Variants in TRAPPC9 observed in about 807,000 individuals in gnomAD.
TRAPPC9 encodes IKK2 binding protein.
In TRAPPC9, 83 loss-of-function variants were observed where a neutral mutation model predicts 124.0. The ratio of observed to expected loss-of-function variants is 0.67; its 90% CI spans 0.56 to 0.80. The LOEUF is 0.80. Ranked by LOEUF, TRAPPC9 falls within the 30% of genes least tolerant of loss-of-function variation. TRAPPC9 has a pLI of 0.00. For synonymous variants in TRAPPC9, 638 were observed against 617.5 expected (o/e 1.03, Z -0.49); for missense variants, 1,302 against 1,508.3 (o/e 0.86, Z 2.27).
At chr8:140,193,984 C>T (rs1265331324) in intron 17 of TRAPPC9, among the ~76,000 whole-genome samples, 1 of 152,196 alleles carries the variant, frequency 6.6e-6, no homozygotes, top group Admixed American at 6.5e-5. Flanking sequence ...TCAGAAAACA[C>T]AGGGTCCAGT....
chr8:140,399,654 G>C (rs980289453), intron 6 of TRAPPC9, among the ~76,000 whole-genome samples: 1 of 152,182 alleles, frequency 6.6e-6, no homozygotes, highest in Non-Finnish European at 1.5e-5. Flanking sequence ...TAGGAAATAA[G>C]CAGCTGCTTT....
At chr8:139,826,011 G>T (rs966007934) in intron 21 of TRAPPC9, among the ~76,000 whole-genome samples, 1 of 152,202 alleles carries the variant, frequency 6.6e-6, no homozygotes, top group Non-Finnish European at 1.5e-5. Context: ...TCTCCCAGGT[G>T]GGGGTGAGAG....
intron 16 of TRAPPC9, among the ~76,000 whole-genome samples, chr8:140,230,037 T>C (rs1372080684): frequency 6.6e-6 from 1 of 152,154 alleles, no homozygotes; most frequent in East Asian, 1.9e-4. Context: ...CTCCCAGTCA[T>C]TTCACAGGGA....
intron 17 of TRAPPC9, among the ~76,000 whole-genome samples, chr8:140,204,236 A>G (rs1225438452): frequency 6.6e-6 from 1 of 152,200 alleles, no homozygotes; most frequent in African/African-American, 2.4e-5. Flanking sequence ...ATGTCCATCA[A>G]TGATAGACTG....
At chr8:140,437,838 G>A (rs939215285) in intron 3 of TRAPPC9, among the ~76,000 whole-genome samples, 1 of 152,078 alleles carries the variant, frequency 6.6e-6, no homozygotes, top group African/African-American at 2.4e-5. Flanking sequence ...CCACCTCCAG[G>A]AGGCGCAGTC....
chr8:140,432,243 T>C (rs2070671167), intron 4 of TRAPPC9, among the ~76,000 whole-genome samples: 1 of 152,006 alleles, frequency 6.6e-6, no homozygotes, highest in Non-Finnish European at 1.5e-5. Flanking sequence ...TAAGAAATGA[T>C]CAACAGGGCT....
intron 17 of TRAPPC9, among the ~76,000 whole-genome samples, chr8:140,156,052 C>T (rs1471140760): frequency 6.6e-6 from 1 of 152,156 alleles, no homozygotes; most frequent in Admixed American, 6.5e-5. Flanking sequence ...TGAGGACAGT[C>T]TTCTTGACCT....
At chr8:139,871,921 T>C (rs1385844906) in intron 21 of TRAPPC9, among the ~76,000 whole-genome samples, 1 of 152,136 alleles carries the variant, frequency 6.6e-6, no homozygotes, top group Non-Finnish European at 1.5e-5. Flanking sequence ...AGACAGATGG[T>C]GGTCAGATGA....
At chr8:139,814,435 C>T (rs959782288) in intron 21 of TRAPPC9, among the ~76,000 whole-genome samples, 1 of 152,040 alleles carries the variant, frequency 6.6e-6, no homozygotes, top group Non-Finnish European at 1.5e-5. Context: ...GTAAGAAGTC[C>T]CTCAGGCAAG....
chr8:140,033,664 T>TGTTTTTTGTTTTTG (rs61417850), intron 17 of TRAPPC9, among the ~76,000 whole-genome samples: 1 of 76,268 alleles, frequency 1.3e-5, no homozygotes, highest in Non-Finnish European at 2.2e-5. Context: ...TGTGGTTTTT[T>TGTTTTTTGTTTTTG]TTTTTTTTTT....
chr8:140,189,852 C>T lies in TRAPPC9; in HGVS notation c.2556+31607G>A, dbSNP rs530580141. On this transcript the variant is annotated intron_variant, in intron 17 of 22. Transcript: ENST00000438773. Reference sequence around the variant, plus strand: ...TGGTCTTATCTTCCCCTCCTCTCCACACCTCATGCACACAAACTAAACTCC... The same window carrying T: ...TGGTCTTATCTTCCCCTCCTCTCCATACCTCATGCACACAAACTAAACTCC... Among the ~76,000 whole-genome samples, 12 of 152,230 alleles carry T rather than the reference C, an allele frequency of 7.9e-5. 1 individual carries two copies. The South Asian group carries it at 1.4e-3, about 18-fold the overall frequency.
intron 17 of TRAPPC9, among the ~76,000 whole-genome samples, chr8:140,183,382 A>G (rs974733668): frequency 6.6e-6 from 1 of 152,246 alleles, no homozygotes; most frequent in African/African-American, 2.4e-5. Flanking sequence ...ATCAAGTCCA[A>G]TGATACAATC....
intron 17 of TRAPPC9, among the ~76,000 whole-genome samples, chr8:140,166,454 G>A (rs2061839390): frequency 1.3e-5 from 2 of 152,242 alleles, no homozygotes; most frequent in Non-Finnish European, 2.9e-5. Flanking sequence ...CTCACCTCCA[G>A]GGAGCTCAAG....
intron 21 of TRAPPC9, among the ~76,000 whole-genome samples, chr8:139,791,677 T>G (rs1822689643): frequency 6.6e-6 from 1 of 152,122 alleles, no homozygotes; most frequent in Non-Finnish European, 1.5e-5. Context: ...AGCCTGGATG[T>G]TGTATGGATT....
chr8:140,086,375 G>A (rs7839730), intron 17 of TRAPPC9, among the ~76,000 whole-genome samples: 105,417 of 151,958 alleles, frequency 0.69, 37,316 homozygotes, highest in African/African-American at 0.85. Flanking sequence ...TGAGGCAGTC[G>A]GTTGAAATGA....
At chr8:140,391,014 T>C (rs1588269442) in intron 7 of TRAPPC9, among the ~76,000 whole-genome samples, 4 of 152,306 alleles carry the variant, frequency 2.6e-5, no homozygotes, top group Admixed American at 2.6e-4. Flanking sequence ...TAAATTGACA[T>C]AAAGTTTGAG....
At chr8:139,995,735 C>G (rs1056775783) in intron 18 of TRAPPC9, among the ~76,000 whole-genome samples, 2 of 151,930 alleles carry the variant, frequency 1.3e-5, no homozygotes, top group Non-Finnish European at 2.9e-5. Flanking sequence ...AAGAGCAAAC[C>G]ACGGGCTTTG....
chr8:140,222,762 C>A (rs1331968250), intron 16 of TRAPPC9, among the ~76,000 whole-genome samples: 1 of 152,236 alleles, frequency 6.6e-6, no homozygotes, highest in Non-Finnish European at 1.5e-5. Flanking sequence ...AGCTCCCTAA[C>A]AGAACCCAGC....
rs1044309931 is a variant in TRAPPC9 at position 140,002,094 on chromosome 8, C to G, written c.2700-13258G>C. On this transcript the variant is annotated intron_variant, in intron 18 of 22. Coordinates refer to ENST00000438773, the MANE Select transcript of TRAPPC9 (RefSeq NM_001160372.4). ...TTCTCAGAACATTTTATGAGGTCAG[C>G]ATTATCTAATACCAAAACCAGACAA... Among the ~76,000 whole-genome samples, 3 of 149,902 alleles carry G rather than the reference C, an allele frequency of 2.0e-5. No individual in the cohort carries two copies. The Admixed American group carries it at 2.0e-4, about 10-fold the overall frequency.
Sources: gnomAD v4.1 joint callset for allele counts (sites outside exome capture counted in the v4.1 genomes callset) on GRCh38, gnomAD v4.1.1 for gene constraint, MANE v1.5 for transcripts, NCBI Gene and HGNC (gene_info 2026-07-23, HGNC 2026-07-21) for gene names.